Variants in DNAH7 observed in about 807,000 individuals in gnomAD.
DNAH7 encodes axonemal beta dynein heavy chain 7.
In DNAH7, 397 loss-of-function variants were observed where a neutral mutation model predicts 444.6. The ratio of observed to expected loss-of-function variants is 0.89; its 90% CI spans 0.82 to 0.97. The LOEUF (loss-of-function observed/expected upper bound fraction) is 0.97, where lower values mean the gene tolerates loss of function less well. Among genes scored for constraint, DNAH7 ranks in the 50% least tolerant of loss-of-function variants. The pLI is 0.00. For missense variants in DNAH7, 4,902 were observed against 4,800.8 expected (o/e 1.02, Z -0.62); for synonymous variants, 1,636 against 1,624.4 (o/e 1.01, Z -0.17).
In DNAH7 at chr2:195,842,945, C is replaced by A. The variant is rs535079434; in HGVS notation, c.8945+2057G>T. Among the ~76,000 whole-genome samples, 18 of 152,296 alleles carry A rather than the reference C, an allele frequency of 1.2e-4. 1 individual carries two copies. In the South Asian group the frequency reaches 3.7e-3, roughly 32 times the overall value. ...ATGATATATAAATTGCAAATCAAGA[C>A]AATGACTACCACTTCAGTAACTACT... On this transcript the variant is annotated intron_variant, in intron 47 of 64. Coordinates refer to ENST00000312428, the MANE Select transcript of DNAH7 (RefSeq NM_018897.3).
At chr2:195,900,705 A>G in intron 27 of DNAH7, 1 of 480,972 alleles carries the variant, frequency 2.1e-6, no homozygotes, top group Non-Finnish European at 3.7e-6. Context: ...TTTCAGGTAC[A>G]TAAAAGAAAT....
chr2:196,004,782 T>TCTCA (rs778868822), intron 10 of DNAH7, among the ~76,000 whole-genome samples: 4 of 146,198 alleles, frequency 2.7e-5, no homozygotes, highest in Non-Finnish European at 4.5e-5. Flanking sequence ...AGGGTCTGTC[T>TCTCA]CACACACACA....
Position 196,009,163 on chromosome 2 carries a change from C to A in DNAH7, c.989+3624G>T, listed in dbSNP as rs187148128. The stretch of plus-strand genomic sequence containing the variant: ...GCCCCCATGACCAAACACCTCCCAC[C>A]AGGCCACACCTCCAACACTAGGGAT... On this transcript the variant is annotated intron_variant, in intron 10 of 64. Coordinates refer to ENST00000312428, the MANE Select transcript of DNAH7 (RefSeq NM_018897.3). Among the ~76,000 whole-genome samples the A allele has an allele frequency of 1.1e-3, 174 of 152,244 alleles. 1 individual carries two copies. Among genetic ancestry groups the A allele is most frequent in the African/African-American group, 4.0e-3 (166 of 41,528 alleles).
rs1239438151 is a variant in DNAH7, at chr2:195,977,795, A to C, written c.1834-5329T>G. The stretch of plus-strand genomic sequence containing the variant: ...ATGGAGCTCCAACATGTCTGACTGC[A>C]GACTTTTCAGTGAGAACCTTACCAC... On this transcript the variant is annotated intron_variant, in intron 15 of 64. Transcript: ENST00000312428. 4.6e-5 allele frequency among the ~76,000 whole-genome samples: 7 copies of C among 152,336 alleles called. No individual in the cohort carries two copies. The South Asian group carries it at 6.2e-4, about 14-fold the overall frequency.
chr2:196,067,968 T>C (rs896155750), intron 1 of DNAH7, among the ~76,000 whole-genome samples: 4 of 152,152 alleles, frequency 2.6e-5, no homozygotes, highest in African/African-American at 9.7e-5. Flanking sequence ...CGACTGACCA[T>C]TGTTCTGCCT....
intron 12 of DNAH7, among the ~76,000 whole-genome samples, chr2:195,999,857 G>A (rs1039549452): frequency 3.9e-5 from 6 of 152,012 alleles, no homozygotes; most frequent in African/African-American, 1.4e-4. Context: ...ACAAAGACAT[G>A]GAAAAACTAA....
intron 61 of DNAH7, among the ~76,000 whole-genome samples, chr2:195,762,476 G>T: frequency 6.6e-6 from 1 of 152,000 alleles, no homozygotes; most frequent in African/African-American, 2.4e-5. Flanking sequence ...ATGATCTGTT[G>T]CCCAGAAGAA....
chr2:195,787,106 T>C lies in DNAH7; in HGVS notation c.10782A>G (p.Lys3594=), dbSNP rs769400331. The C allele has an allele frequency of 2.5e-6, 4 of 1,612,302 alleles. No homozygotes were observed. Among genetic ancestry groups the C allele is most frequent in the Non-Finnish European group, 3.4e-6 (4 of 1,179,528 alleles). ...GAATATTCCACCCTAGGGGTCCAAA[T>C]TTCCGTCTTTCTTGTACCAAAGCAT... ...FFHALVQERR[K]FGPLGWNIPY... Residue 3594 remains lysine (K), a synonymous_variant, in exon 58 of 65, where the codon AAA becomes AAG. Coordinates refer to ENST00000312428, the MANE Select transcript of DNAH7 (RefSeq NM_018897.3).
chr2:195,999,304 A>T, intron 12 of DNAH7: 1 of 693,588 alleles, frequency 1.4e-6, no homozygotes, highest in Non-Finnish European at 2.7e-6. Flanking sequence ...GTCTATTTTC[A>T]CACAGATTTG....
intron 48 of DNAH7, among the ~76,000 whole-genome samples, chr2:195,829,590 G>A (rs1697959910): frequency 1.3e-5 from 2 of 151,810 alleles, no homozygotes; most frequent in East Asian, 1.9e-4. Context: ...TTCTCTTACT[G>A]CCTCAACATT....
chr2:195,788,069 G>C (rs1488892688), intron 57 of DNAH7, among the ~76,000 whole-genome samples: 2 of 152,184 alleles, frequency 1.3e-5, no homozygotes, highest in African/African-American at 4.8e-5. Flanking sequence ...CACAGTCACA[G>C]AAGTCCAGCA....
chr2:195,872,374 G>C lies in DNAH7; in HGVS notation c.6509C>G (p.Thr2170Ser). ...YKEAMKNLLP[T>S]PAKSHYLFNL... The stretch of plus-strand genomic sequence containing the variant: ...GAACAAGTAGTGAGATTTAGCTGGA[G>C]TAGGCAAGAGATTCTTCATTGCTTC... The change falls in exon 40 of 65, where the codon ACT becomes AGT. Residue 2170 changes from threonine to serine, a missense_variant. Physicochemically the swap from Thr to Ser is moderately conservative, Grantham distance 58. Coordinates refer to ENST00000312428, the MANE Select transcript of DNAH7 (RefSeq NM_018897.3). 6.2e-7 allele frequency: 1 copy of C among 1,613,890 alleles called. No homozygotes were observed. Among genetic ancestry groups the C allele is most frequent in the East Asian group, 2.2e-5 (1 of 44,840 alleles).
intron 7 of DNAH7, 120 bp from the exon 8 acceptor site, chr2:196,024,624 T>C (rs1695572653): frequency 5.6e-6 from 3 of 535,728 alleles, no homozygotes; most frequent in Non-Finnish European, 9.0e-6. Context: ...AGTTGTTTAA[T>C]AATGAGAAAT....
chr2:195,806,503 A>T (rs1237680969), intron 54 of DNAH7, among the ~76,000 whole-genome samples: 3 of 152,192 alleles, frequency 2.0e-5, no homozygotes, highest in Non-Finnish European at 4.4e-5. Context: ...AATTAAAAAC[A>T]AATAATCACA....
At chr2:195,862,869 CTACTAAAAA>C (rs1700103968) in intron 41 of DNAH7, among the ~76,000 whole-genome samples, 3 of 152,296 alleles carry the variant, frequency 2.0e-5, no homozygotes, top group Non-Finnish European at 4.4e-5. Flanking sequence ...AATCCCGTCT[CTACTAAAAA>C]TACAAAAATT....
rs183946849 is a variant in DNAH7, at chr2:196,050,965, C to T, written c.141+222G>A. Among the ~76,000 whole-genome samples the T allele has an allele frequency of 4.8e-3, 725 of 152,272 alleles. 4 individuals are homozygous for T. The highest frequency in any genetic ancestry group is 8.8e-3 in the Non-Finnish European group (596 of 68,010). Reference sequence around the variant, plus strand: ...CTTTTGCTAACCAATCTTGGCAAGTCGTTCATTCAGAATACTGAAATATTC... The same window carrying T: ...CTTTTGCTAACCAATCTTGGCAAGTTGTTCATTCAGAATACTGAAATATTC... On this transcript the variant is annotated intron_variant, in intron 3 of 64. Transcript: ENST00000312428.
intron 20 of DNAH7, among the ~76,000 whole-genome samples, chr2:195,935,797 A>G (rs370843960): frequency 6.6e-6 from 1 of 152,132 alleles, no homozygotes; most frequent in East Asian, 1.9e-4. Flanking sequence ...ACTAAGACTT[A>G]TAGGAGGTAA....
intron 10 of DNAH7, among the ~76,000 whole-genome samples, chr2:196,009,632 A>G (rs999355934): frequency 6.6e-6 from 1 of 152,220 alleles, no homozygotes; most frequent in African/African-American, 2.4e-5. Flanking sequence ...AATACCTAAA[A>G]GCACAGGCAA....
intron 24 of DNAH7, among the ~76,000 whole-genome samples, chr2:195,915,419 G>A (rs1303884846): frequency 6.6e-6 from 1 of 152,096 alleles, no homozygotes; most frequent in African/African-American, 2.4e-5. Flanking sequence ...AGAGTTTGGT[G>A]TTACTGGAAT....
Sources: allele counts gnomAD v4.1 joint callset (sites outside exome capture counted in the v4.1 genomes callset), GRCh38; gene constraint gnomAD v4.1.1; transcripts MANE v1.5; gene names NCBI Gene and HGNC (gene_info 2026-07-23, HGNC 2026-07-21).